The following SIRT2 variants were observed in gnomAD, a reference collection of about 807,000 sequenced individuals.
SIRT2 encodes NAD-dependent protein deacetylase sirtuin-2.
Under a neutral mutation model 57.4 loss-of-function variants are expected in SIRT2, and 40 were observed. That is an observed-to-expected ratio of 0.70 (90% CI 0.54 to 0.91). SIRT2 has a LOEUF of 0.91. Among genes scored for constraint, SIRT2 ranks in the 40% least tolerant of loss-of-function variants. SIRT2 has a pLI of 0.00. For synonymous variants in SIRT2, 161 were observed against 195.7 expected (o/e 0.82, Z 1.48); for missense variants, 439 against 510.4 (o/e 0.86, Z 1.35).
rs749382036 is a variant in SIRT2 at position 38,889,730 on chromosome 19, A to C, written c.391T>G (p.Phe131Val). ...TAGAGTTCCTTGGCGAGGGCGAAGA[A>C]GGGTTCCGGATGTTTCTGTAGGAGA... ...ISYFKKHPEP[F>V]FALAKELYPG... is the part of the protein sequence containing the mutation. Residue 131 changes from phenylalanine to valine, a missense_variant, in exon 7 of 16, where the codon TTC (phenylalanine) becomes GTC (valine). Coordinates refer to ENST00000249396, the MANE Select transcript of SIRT2 (RefSeq NM_012237.4). 1.4e-5 allele frequency: 23 copies of C among 1,614,002 alleles called. No homozygotes were observed. Among genetic ancestry groups the C allele is most frequent in the Non-Finnish European group, 1.9e-5 (23 of 1,180,016 alleles).
chr19:38,885,592 ATTTTTTT>A (rs35779731), intron 8 of SIRT2, among the ~76,000 whole-genome samples: 1 of 122,476 alleles, frequency 8.2e-6, no homozygotes, highest in African/African-American at 3.1e-5. Context: ...ATGCGTGGCT[ATTTTTTT>A]TTTTTTTTTT....
At chr19:38,895,921 A>G (rs1461855945) in intron 2 of SIRT2, among the ~76,000 whole-genome samples, 1 of 152,058 alleles carries the variant, frequency 6.6e-6, no homozygotes, top group Non-Finnish European at 1.5e-5. Context: ...AAATACAAAA[A>G]ATTAGCCAGG....
At chr19:38,886,289 T>C (rs1022874079) in intron 8 of SIRT2, among the ~76,000 whole-genome samples, 1 of 152,152 alleles carries the variant, frequency 6.6e-6, no homozygotes, top group African/African-American at 2.4e-5. Flanking sequence ...TGCCCACTAT[T>C]CTAAATCTTG....
chr19:38,882,754 A>G (rs1973195637), intron 9 of SIRT2, among the ~76,000 whole-genome samples: 1 of 152,204 alleles, frequency 6.6e-6, no homozygotes, highest in East Asian at 1.9e-4. Flanking sequence ...CATTGTTTCA[A>G]TGTCAGTAGT....
chr19:38,891,565 T>C (rs993840237), intron 4 of SIRT2, among the ~76,000 whole-genome samples: 4 of 151,898 alleles, frequency 2.6e-5, no homozygotes, highest in Non-Finnish European at 5.9e-5. Flanking sequence ...ATAATAATAA[T>C]AAATTTTTAG....
At chr19:38,892,570 T>C (rs576860193) in intron 4 of SIRT2, among the ~76,000 whole-genome samples, 1 of 152,212 alleles carries the variant, frequency 6.6e-6, no homozygotes, top group African/African-American at 2.4e-5. Context: ...TCTTTTAAAT[T>C]TTATTACTTT....
At chr19:38,879,963 T>C (rs1973089484) in intron 13 of SIRT2, 1 of 491,550 alleles carries the variant, frequency 2.0e-6, no homozygotes, top group Admixed American at 3.4e-5. Context: ...GTAGCCTGGA[T>C]GACAGGTGCC....
At chr19:38,894,771 G>A (rs1489979425) in intron 2 of SIRT2, 4 of 455,818 alleles carry the variant, frequency 8.8e-6, no homozygotes, top group Non-Finnish European at 1.3e-5. Context: ...GCTCCAGACT[G>A]GCAGGTCTCT....
chr19:38,892,801 C>T (rs1027039161), intron 4 of SIRT2, among the ~76,000 whole-genome samples: 12 of 152,020 alleles, frequency 7.9e-5, no homozygotes, highest in South Asian at 2.1e-4. Context: ...TGGTCTTGAA[C>T]GCCTGGCGTT....
At chr19:38,881,538 G>C (rs913372027) in intron 9 of SIRT2, 47 bp from the exon 10 acceptor site, 3 of 1,554,424 alleles carry the variant, frequency 1.9e-6, no homozygotes, top group African/African-American at 2.7e-5. Flanking sequence ...AGAGGATCTG[G>C]GCCGGAGTCT....
chr19:38,884,517 C>T lies in SIRT2; in HGVS notation c.502-761G>A, dbSNP rs184872902. The stretch of plus-strand genomic sequence containing the variant: ...AGGCTGGAGTGCAGTGGCACAATCT[C>T]GGCTCACTGCAACCTCTGACTCCCA... On this transcript the variant is annotated intron_variant, in intron 8 of 15. Transcript: ENST00000249396. Among the ~76,000 whole-genome samples, 1,311 of 151,826 alleles carry T rather than the reference C, an allele frequency of 8.6e-3. 21 individuals are homozygous for T. Among genetic ancestry groups the T allele is most frequent in the African/African-American group, 0.03 (1,241 of 41,380 alleles).
chr19:38,897,733 C>G (rs1320707057), intron 2 of SIRT2, among the ~76,000 whole-genome samples: 2 of 152,100 alleles, frequency 1.3e-5, no homozygotes, highest in African/African-American at 4.8e-5. Context: ...CCTATGTTGC[C>G]AAGACTGGTC....
In SIRT2 at chr19:38,881,100, T is replaced by G; in HGVS notation, c.747A>C (p.Ser249=). 1 of 1,613,162 alleles carries G rather than the reference T, an allele frequency of 6.2e-7. No individual in the cohort carries two copies. The highest frequency in any genetic ancestry group is 8.5e-7 in the Non-Finnish European group (1 of 1,179,714). Residue 249 remains serine, a splice_region_variant and synonymous_variant, in exon 11 of 16, where the codon TCA becomes TCC. Coordinates refer to ENST00000249396, the MANE Select transcript of SIRT2 (RefSeq NM_012237.4). ...LPARFFSCMQ[S]DFLKVDLLLV... Reference sequence around the variant, plus strand: ...GCGGGGAGGCTGGGGGGCCACTTACTGACTGCATACAGGAGAAGAAACGCG... The same window carrying G: ...GCGGGGAGGCTGGGGGGCCACTTACGGACTGCATACAGGAGAAGAAACGCG...
At position 38,880,661 on chromosome 19, in the gene SIRT2, G is replaced by C; in HGVS notation, c.876+24C>G. ...GAGGGAAGGGGGAGCCTGTGACGAC[G>C]GGGGCTTGAAGAAGGGCTCTTACCT... On this transcript the variant is annotated intron_variant, in intron 13 of 15. Transcript: ENST00000249396. The surrounding 1 kb of genome is among the most constrained non-coding windows in gnomAD (Gnocchi z 4.1). 1 of 1,526,004 alleles carries C rather than the reference G, an allele frequency of 6.6e-7. No homozygotes were observed. Among genetic ancestry groups the C allele is most frequent in the Non-Finnish European group, 8.8e-7 (1 of 1,133,664 alleles). The allele number at this position is 1,526,004 out of a possible 1,614,324, so 94.5% of individuals were successfully genotyped here.
chr19:38,891,663 G>GC (rs1022700178), intron 4 of SIRT2: 47 of 329,170 alleles, frequency 1.4e-4, no homozygotes, highest in African/African-American at 7.6e-4. Flanking sequence ...TGACCTACTG[G>GC]CCTCAAGCGA....
intron 1 of SIRT2, 57 bp from the exon 2 acceptor site, chr19:38,898,482 A>G: frequency 8.7e-7 from 1 of 1,149,470 alleles, no homozygotes; most frequent in Admixed American, 2.4e-5. Context: ...GGGGGAATAA[A>G]GGGGTTCAAA....
chr19:38,899,197 TA>T (rs1191427724), intron 1 of SIRT2, among the ~76,000 whole-genome samples: 2 of 151,984 alleles, frequency 1.3e-5, no homozygotes, highest in African/African-American at 4.8e-5. Context: ...AACAATCAGG[TA>T]CCCATAGCAA....
intron 4 of SIRT2, among the ~76,000 whole-genome samples, chr19:38,891,474 G>T (rs926020572): frequency 1.3e-5 from 2 of 152,058 alleles, no homozygotes; most frequent in Non-Finnish European, 2.9e-5. Context: ...GCTTGAACCC[G>T]GGAGGCAGAG....
chr19:38,884,699 G>A (rs1467740311), intron 8 of SIRT2, among the ~76,000 whole-genome samples: 1 of 151,660 alleles, frequency 6.6e-6, no homozygotes, highest in Non-Finnish European at 1.5e-5. Flanking sequence ...TGCTTGCCTC[G>A]GCCTCCCAAA....
Sources: allele counts gnomAD v4.1 joint callset (sites outside exome capture counted in the v4.1 genomes callset), GRCh38; gene constraint gnomAD v4.1.1; non-coding constraint Gnocchi (gnomAD v3.1); transcripts MANE v1.5; gene names NCBI Gene and HGNC (gene_info 2026-07-23, HGNC 2026-07-21).